Variants in RNF227 observed in about 807,000 individuals in gnomAD.
The protein encoded by RNF227 is long intergenic non-protein coding RNA 2581.
A neutral mutation model predicts 4.9 loss-of-function variants in RNF227; 8 were observed. The ratio of observed to expected loss-of-function variants is 1.65; its 90% CI spans 0.97 to 2.98. RNF227 has a LOEUF of 2.98. Ranked by LOEUF, RNF227 falls within the 30% of genes most tolerant of loss-of-function variation. RNF227 has a pLI of 0.00. For synonymous variants in RNF227, 63 were observed against 28.1 expected (o/e 2.25, Z -3.94); for missense variants, 136 against 65.4 (o/e 2.08, Z -3.72).
chr17:7,916,156 C>T lies in RNF227; in HGVS notation c.40G>A (p.Gly14Ser), dbSNP rs1388742481. ...TAGCAGATGTTGCAGTCCAGCTCGC[C>T]CCGCTCCGGAAGAGAGGGTACCCTC... Reference protein sequence around the residue: ...LVRVPSLPERGELDCNICYRP... With the variant: ...LVRVPSLPERSELDCNICYRP... Residue 14 changes from glycine (G) to serine (S), a missense_variant, in exon 1 of 2, where the codon GGC becomes AGC. Transcript: ENST00000324348. 1 of 397,290 alleles carries T rather than the reference C, an allele frequency of 2.5e-6. No homozygotes were observed. The highest frequency in any genetic ancestry group is 2.1e-5 in the African/African-American group (1 of 48,570). The allele number at this position is 397,290 out of a possible 1,614,324, so 24.6% of individuals were successfully genotyped here.
At position 7,915,014 on chromosome 17, in the gene RNF227, CA is replaced by C. The variant is rs1406964927; in HGVS notation, c.*507del. The C allele has an allele frequency of 1.8e-5, 4 of 228,408 alleles. No individual in the cohort carries two copies. Among genetic ancestry groups the C allele is most frequent in the East Asian group, 2.5e-4 (2 of 8,006 alleles). The allele number at this position is 228,408 out of a possible 1,614,324, so 14.1% of individuals were successfully genotyped here. ...CATAGTCACAGGCAGGGAGCCATCT[CA>C]ATTTCTGGAACACAGAACTGGGAGT... is the stretch of plus-strand genomic sequence containing the variant. On this transcript the variant is annotated 3_prime_UTR_variant, in exon 2 of 2. Transcript: ENST00000324348.
chr17:7,915,584 G>A lies in RNF227; in HGVS notation c.518-7C>T. 1 of 703,122 alleles carries A rather than the reference G, an allele frequency of 1.4e-6. No individual in the cohort carries two copies. Among genetic ancestry groups the A allele is most frequent in the East Asian group, 2.7e-5 (1 of 37,292 alleles). The allele number at this position is 703,122 out of a possible 1,614,324, so 43.6% of individuals were successfully genotyped here. A position where few individuals can be genotyped will look rare whatever the true frequency, so the allele number is the denominator to read the frequency against. On this transcript the variant is annotated splice_polypyrimidine_tract_variant and splice_region_variant and intron_variant, in intron 1 of 1. Coordinates refer to ENST00000324348, the MANE Select transcript of RNF227 (RefSeq NM_001358699.2). ...ATCTCCGCACAGTAGAGCACTGGGG[G>A]AAAGAAGAAGGGTTAGTGGCAGCAG... is the stretch of plus-strand genomic sequence containing the variant.
Position 7,914,124 on chromosome 17 carries a change from A to G in RNF227, c.*1398T>C, listed in dbSNP as rs1971927442. The G allele has an allele frequency of 6.6e-6, 1 of 152,010 alleles. No homozygotes were observed. Among genetic ancestry groups the G allele is most frequent in the African/African-American group, 2.4e-5 (1 of 41,390 alleles). The allele number at this position is 152,010 out of a possible 1,614,324, so 9.4% of individuals were successfully genotyped here. On this transcript the variant is annotated 3_prime_UTR_variant, in exon 2 of 2. Coordinates refer to ENST00000324348, the MANE Select transcript of RNF227 (RefSeq NM_001358699.2). Reference sequence around the variant, plus strand: ...AAAAAAAAGAACTTTGGATAAAATAATCTATCAGTCATACCTATTATGCTT... The same window carrying G: ...AAAAAAAAGAACTTTGGATAAAATAGTCTATCAGTCATACCTATTATGCTT...
At position 7,916,183 on chromosome 17, in the gene RNF227, C is replaced by T. The variant is rs1015167001; in HGVS notation, c.13G>A (p.Val5Met). 7.6e-6 allele frequency: 3 copies of T among 395,198 alleles called. No homozygotes were observed. The highest frequency in any genetic ancestry group is 6.2e-5 in the African/African-American group (3 of 48,482). The allele number at this position is 395,198 out of a possible 1,614,324, so 24.5% of individuals were successfully genotyped here. A position where few individuals can be genotyped will look rare whatever the true frequency, so the allele number is the denominator to read the frequency against. Residue 5 changes from valine to methionine, a missense_variant, in exon 1 of 2, where the codon GTG becomes ATG. Physicochemically the swap from Val to Met is conservative, Grantham distance 21 (BLOSUM62 1). Coordinates refer to ENST00000324348, the MANE Select transcript of RNF227 (RefSeq NM_001358699.2). ...CGCTCCGGAAGAGAGGGTACCCTCA[C>T]CAAGAGCTGCATCGTGCCCGCCGCG... MQLL[V>M]RVPSLPERGE...
chr17:7,914,231 C>CAA lies in RNF227; in HGVS notation c.*1290_*1291insTT. On this transcript the variant is annotated 3_prime_UTR_variant, in exon 2 of 2. Coordinates refer to ENST00000324348, the MANE Select transcript of RNF227 (RefSeq NM_001358699.2). Reference sequence around the variant, plus strand: ...GTACTTAAATTTTCACATGCACACACATCACCTGGGATTGTTAAAATGCCA... The same window carrying CAA: ...GTACTTAAATTTTCACATGCACACACAAATCACCTGGGATTGTTAAAATGCCA... 6.6e-6 allele frequency: 1 copy of CAA among 151,764 alleles called. No homozygotes were observed. Among genetic ancestry groups the CAA allele is most frequent in the Middle Eastern group, 3.4e-3 (1 of 292 alleles). The allele number at this position is 151,764 out of a possible 1,614,324, so 9.4% of individuals were successfully genotyped here. A position where few individuals can be genotyped will look rare whatever the true frequency, so the allele number is the denominator to read the frequency against.
In RNF227 at chr17:7,913,674, ATATT is replaced by A. The variant is rs1186495133; in HGVS notation, c.*1844_*1847del. The A allele has an allele frequency of 2.0e-5, 3 of 152,352 alleles. No individual in the cohort carries two copies. Among genetic ancestry groups the A allele is most frequent in the African/African-American group, 7.2e-5 (3 of 41,572 alleles). 9.4% of individuals were successfully genotyped at this position (152,352 alleles called of 1,614,324 possible). A position where few individuals can be genotyped will look rare whatever the true frequency, so the allele number is the denominator to read the frequency against. On this transcript the variant is annotated 3_prime_UTR_variant, in exon 2 of 2. Coordinates refer to ENST00000324348, the MANE Select transcript of RNF227 (RefSeq NM_001358699.2). ...TATAATTATGATTTGTCAATCAAAAATATTTATATTTTAAAAAGATTGGAGGCCT... is the reference window on the plus strand; with the variant it reads ...TATAATTATGATTTGTCAATCAAAAATATATTTTAAAAAGATTGGAGGCCT...
In RNF227 at chr17:7,915,734, G is replaced by T. The variant is rs144402088; in HGVS notation, c.462C>A (p.Leu154=). ...RSAGWRALRR[L]WDRVLGPARR... ...GCGCAGGCCCCAGGACCCTGTCCCA[G>T]AGCCGCCGGAGCGCGCGCCACCCAG... Residue 154 remains leucine, a synonymous_variant, in exon 1 of 2, where the codon CTC becomes CTA. Coordinates refer to ENST00000324348, the MANE Select transcript of RNF227 (RefSeq NM_001358699.2). The T allele has an allele frequency of 4.3e-6, 3 of 702,636 alleles. No homozygotes were observed. The highest frequency in any genetic ancestry group is 7.8e-6 in the Non-Finnish European group (3 of 384,736). The allele number at this position is 702,636 out of a possible 1,614,324, so 43.5% of individuals were successfully genotyped here. A position where few individuals can be genotyped will look rare whatever the true frequency, so the allele number is the denominator to read the frequency against.
At position 7,915,879 on chromosome 17, in the gene RNF227, T is replaced by G. The variant is rs561806724; in HGVS notation, c.317A>C (p.Glu106Ala). The G allele has an allele frequency of 7.0e-4, 492 of 702,510 alleles. 1 individual carries two copies. The highest frequency in any genetic ancestry group is 6.6e-3 in the African/African-American group (377 of 57,344). 43.5% of individuals were successfully genotyped at this position (702,510 alleles called of 1,614,324 possible). The change falls in exon 1 of 2, where the codon GAA becomes GCA. Residue 106 changes from glutamate to alanine, a missense_variant. Glu to Ala is a moderately radical substitution (Grantham distance 107). Coordinates refer to ENST00000324348, the MANE Select transcript of RNF227 (RefSeq NM_001358699.2). ...TCGTTCGCACTTGGCCCGCGCTTTT[T>G]CCTCCAATCGCGACCACAAGTCCGA... ...LDSDLWSRLE[E>A]KARAKCERDE...
In RNF227 at chr17:7,915,923, G is replaced by A. The variant is rs1348687177; in HGVS notation, c.273C>T (p.Leu91=). 2 of 693,824 alleles carry A rather than the reference G, an allele frequency of 2.9e-6. No individual in the cohort carries two copies. The highest frequency in any genetic ancestry group is 1.5e-5 in the South Asian group (1 of 67,340). 43.0% of individuals were successfully genotyped at this position (693,824 alleles called of 1,614,324 possible). Residue 91 remains leucine, a synonymous_variant, in exon 1 of 2, where the codon CTC becomes CTT. Coordinates refer to ENST00000324348, the MANE Select transcript of RNF227 (RefSeq NM_001358699.2). The stretch of plus-strand genomic sequence containing the variant: ...AGTCCGAGTCAAGAGCCATCTCCGT[G>A]AGGCCGCCGCGAGGGAGCTGCGAGG... The part of the protein sequence containing the change: ...RAPSQLPRGG[L]TEMALDSDLW...
rs1971966165 is a variant in RNF227, at chr17:7,916,003, C to A, written c.193G>T (p.Ala65Ser). The A allele has an allele frequency of 2.8e-6, 1 of 358,824 alleles. No homozygotes were observed. The highest frequency in any genetic ancestry group is 5.0e-6 in the Non-Finnish European group (1 of 201,928). The allele number at this position is 358,824 out of a possible 1,614,324, so 22.2% of individuals were successfully genotyped here. The change falls in exon 1 of 2, where the codon GCC (alanine) becomes TCC (serine). Residue 65 changes from alanine to serine, a missense_variant. Coordinates refer to ENST00000324348, the MANE Select transcript of RNF227 (RefSeq NM_001358699.2). ...LAARGDGGGA[A>S]ARVVRLRRVV... The stretch of plus-strand genomic sequence containing the variant: ...CGGCGCAGGCGCACCACGCGCGCGG[C>A]CGCCCCGCCGCCGTCCCCGCGCGCC...
Position 7,915,297 on chromosome 17 carries a change from T to G in RNF227, c.*225A>C. ...TTTGTTTATATCATCCCTTGGCCAC[T>G]CCATCCTGAAAATGTAAGACTGGCA... On this transcript the variant is annotated 3_prime_UTR_variant, in exon 2 of 2. Coordinates refer to ENST00000324348, the MANE Select transcript of RNF227 (RefSeq NM_001358699.2). The G allele has an allele frequency of 3.1e-6, 2 of 654,290 alleles. No homozygotes were observed. The highest frequency in any genetic ancestry group is 1.7e-5 in the South Asian group (1 of 60,538). 40.5% of individuals were successfully genotyped at this position (654,290 alleles called of 1,614,324 possible). A position where few individuals can be genotyped will look rare whatever the true frequency, so the allele number is the denominator to read the frequency against.
rs1402691213 is a variant in RNF227 at position 7,914,818 on chromosome 17, AAAGAT to A, written c.*699_*703del. 6.5e-6 allele frequency: 1 copy of A among 154,662 alleles called. No homozygotes were observed. Among genetic ancestry groups the A allele is most frequent in the African/African-American group, 2.4e-5 (1 of 41,472 alleles). The allele number at this position is 154,662 out of a possible 1,614,324, so 9.6% of individuals were successfully genotyped here. A position where few individuals can be genotyped will look rare whatever the true frequency, so the allele number is the denominator to read the frequency against. On this transcript the variant is annotated 3_prime_UTR_variant, in exon 2 of 2. Transcript: ENST00000324348. ...AGCGCTAGTGTGTTCCCGTGACTGTAAAGATAACACAGATAATAGCAAAAGTTTGA... is the reference window on the plus strand; with the variant it reads ...AGCGCTAGTGTGTTCCCGTGACTGTAAACACAGATAATAGCAAAAGTTTGA...
In RNF227 at chr17:7,915,132, TAA is replaced by T. The variant is rs796719577; in HGVS notation, c.*388_*389del. The T allele has an allele frequency of 8.4e-4, 249 of 295,144 alleles. No homozygotes were observed. Among genetic ancestry groups the T allele is most frequent in the East Asian group, 1.7e-3 (19 of 11,076 alleles). The allele number at this position is 295,144 out of a possible 1,614,324, so 18.3% of individuals were successfully genotyped here. A position where few individuals can be genotyped will look rare whatever the true frequency, so the allele number is the denominator to read the frequency against. On this transcript the variant is annotated 3_prime_UTR_variant, in exon 2 of 2. Transcript: ENST00000324348. ...TAGCCTCTTCTCTCCCGTTCCATCT[TAA>T]AAAAAAAAAAAATTCAAACCATTGA...
rs1409528689 is a variant in RNF227 at position 7,913,909 on chromosome 17, G to C, written c.*1613C>G. On this transcript the variant is annotated 3_prime_UTR_variant, in exon 2 of 2. Transcript: ENST00000324348. ...GATCGAGACCATCCTGGCTAACACG[G>C]TGAAACCCCATCTCTACTAAAAATA... 1.3e-5 allele frequency: 2 copies of C among 151,470 alleles called. No individual in the cohort carries two copies. Among genetic ancestry groups the C allele is most frequent in the Non-Finnish European group, 2.9e-5 (2 of 67,882 alleles). 9.4% of individuals were successfully genotyped at this position (151,470 alleles called of 1,614,324 possible).
rs766358919 is a variant in RNF227, at chr17:7,915,963, G to C, written c.233C>G (p.Pro78Arg). ...GAGCTGCGAGGGCGCGCGGCAGAAG[G>C]GGCACGTGACCACGCGGCGCAGGCG... ...VVRLRRVVTC[P>R]FCRAPSQLPR... Residue 78 changes from proline (P) to arginine (R), a missense_variant, in exon 1 of 2, where the codon CCC becomes CGC. Coordinates refer to ENST00000324348, the MANE Select transcript of RNF227 (RefSeq NM_001358699.2). 8.4e-6 allele frequency: 5 copies of C among 597,084 alleles called. No individual in the cohort carries two copies. The African/African-American group carries it at 9.5e-5, about 11-fold the overall frequency. The allele number at this position is 597,084 out of a possible 1,614,324, so 37.0% of individuals were successfully genotyped here.
chr17:7,916,222 C>T lies in RNF227; in HGVS notation c.-27G>A. 2.6e-6 allele frequency: 1 copy of T among 387,154 alleles called. No individual in the cohort carries two copies. The allele number at this position is 387,154 out of a possible 1,614,324, so 24.0% of individuals were successfully genotyped here. ...GTGCCCGCCGCGGACTCGAGGACGT[C>T]GCTAACGCGGCCAGCTCCGTGAACA... On this transcript the variant is annotated 5_prime_UTR_variant, in exon 1 of 2. Coordinates refer to ENST00000324348, the MANE Select transcript of RNF227 (RefSeq NM_001358699.2).
In RNF227 at chr17:7,915,734, G is replaced by C; in HGVS notation, c.462C>G (p.Leu154=). 2.8e-6 allele frequency: 2 copies of C among 702,636 alleles called. No homozygotes were observed. Among genetic ancestry groups the C allele is most frequent in the Non-Finnish European group, 2.6e-6 (1 of 384,736 alleles). The allele number at this position is 702,636 out of a possible 1,614,324, so 43.5% of individuals were successfully genotyped here. The change falls in exon 1 of 2, where the codon CTC becomes CTG. Residue 154 remains leucine, a synonymous_variant. Coordinates refer to ENST00000324348, the MANE Select transcript of RNF227 (RefSeq NM_001358699.2). ...GCGCAGGCCCCAGGACCCTGTCCCA[G>C]AGCCGCCGGAGCGCGCGCCACCCAG... ...RSAGWRALRR[L]WDRVLGPARR... is the part of the protein sequence containing the mutation.
At position 7,914,903 on chromosome 17, in the gene RNF227, G is replaced by C. The variant is rs1028676837; in HGVS notation, c.*619C>G. Reference sequence around the variant, plus strand: ...TCCTACTTTGATAGGCTCTAATTAGGTGCCTCACATAAATGCCCTTTGGAA... The same window carrying C: ...TCCTACTTTGATAGGCTCTAATTAGCTGCCTCACATAAATGCCCTTTGGAA... On this transcript the variant is annotated 3_prime_UTR_variant, in exon 2 of 2. Transcript: ENST00000324348. The C allele has an allele frequency of 2.4e-5, 4 of 164,220 alleles. No homozygotes were observed. Among genetic ancestry groups the C allele is most frequent in the South Asian group, 2.9e-4 (2 of 6,960 alleles). The allele number at this position is 164,220 out of a possible 1,614,324, so 10.2% of individuals were successfully genotyped here. A position where few individuals can be genotyped will look rare whatever the true frequency, so the allele number is the denominator to read the frequency against.
chr17:7,915,184 G>A lies in RNF227; in HGVS notation c.*338C>T. The A allele has an allele frequency of 2.3e-6, 1 of 432,992 alleles. No individual in the cohort carries two copies. The highest frequency in any genetic ancestry group is 4.3e-6 in the Non-Finnish European group (1 of 233,430). 26.8% of individuals were successfully genotyped at this position (432,992 alleles called of 1,614,324 possible). On this transcript the variant is annotated 3_prime_UTR_variant, in exon 2 of 2. Coordinates refer to ENST00000324348, the MANE Select transcript of RNF227 (RefSeq NM_001358699.2). The stretch of plus-strand genomic sequence containing the variant: ...ACAAAGAATTGCTAAAATGGGACCT[G>A]TTGCTCCCACACACCAGAGCCACCC...
Sources: gnomAD v4.1 joint callset for allele counts on GRCh38, gnomAD v4.1.1 for gene constraint, MANE v1.5 for transcripts, NCBI Gene and HGNC (gene_info 2026-07-23, HGNC 2026-07-21) for gene names.